Variants in MAGI2 observed in about 807,000 individuals in gnomAD.
MAGI2 encodes membrane-associated guanylate kinase, WW and PDZ domain-containing protein 2.
MAGI2 carries 35 observed loss-of-function variants against 133.3 expected under a neutral mutation model. That is an observed-to-expected ratio of 0.26 (90% CI 0.20 to 0.35). The LOEUF is 0.35. Among genes scored for constraint, MAGI2 ranks in the 10% least tolerant of loss-of-function variants. MAGI2 has a pLI of 1.00. For synonymous variants in MAGI2, 729 were observed against 710.6 expected (o/e 1.03, Z -0.41); for missense variants, 1,636 against 1,863.4 (o/e 0.88, Z 2.25).
chr7:78,454,092 G>T (rs1789038210), intron 6 of MAGI2, among the ~76,000 whole-genome samples: 1 of 152,078 alleles, frequency 6.6e-6, no homozygotes. Flanking sequence ...AGCTGTCACT[G>T]TACCATGTGC....
At chr7:78,312,674 G>A (rs1383040257) in intron 9 of MAGI2, among the ~76,000 whole-genome samples, 1 of 152,062 alleles carries the variant, frequency 6.6e-6, no homozygotes, top group Non-Finnish European at 1.5e-5. Flanking sequence ...AAAACGAAAT[G>A]CTTATACACT....
At position 78,019,607 on chromosome 7, in the gene MAGI2, T is replaced by TCCGCCGCGTCTG; in HGVS notation, c.4064_4075dup (p.Ala1355_Ala1358dup). ...CTCCTTCCCGCCCGCCCGCGCCGCG[T>TCCGCCGCGTCTG]CCGCCGCGTCTGCCGCCGCGAGCCC... On this transcript the variant is annotated inframe_insertion, in exon 22 of 22. Coordinates refer to ENST00000354212, the MANE Select transcript of MAGI2 (RefSeq NM_012301.4). The TCCGCCGCGTCTG allele has an allele frequency of 9.2e-6, 9 of 981,458 alleles. No homozygotes were observed. Among genetic ancestry groups the TCCGCCGCGTCTG allele is most frequent in the Non-Finnish European group, 9.6e-6 (8 of 829,430 alleles). 60.8% of individuals were successfully genotyped at this position (981,458 alleles called of 1,614,324 possible).
chr7:78,602,570 C>A (rs538879853), intron 3 of MAGI2, among the ~76,000 whole-genome samples: 1 of 151,964 alleles, frequency 6.6e-6, no homozygotes, highest in Non-Finnish European at 1.5e-5. Flanking sequence ...GGTAGAAATG[C>A]TATGTTCTTT....
At chr7:78,212,382 C>G (rs566614941) in intron 10 of MAGI2, among the ~76,000 whole-genome samples, 2 of 152,170 alleles carry the variant, frequency 1.3e-5, no homozygotes, top group South Asian at 4.1e-4. Flanking sequence ...CGAGTCCTTT[C>G]AAGAGAGGAA....
At chr7:78,744,632 GA>G (rs557906745) in intron 2 of MAGI2, among the ~76,000 whole-genome samples, 1 of 151,620 alleles carries the variant, frequency 6.6e-6, no homozygotes, top group Non-Finnish European at 1.5e-5. Context: ...TGAAGTGAAG[GA>G]AAAAAAATCT....
intron 16 of MAGI2, among the ~76,000 whole-genome samples, chr7:78,144,977 C>T (rs1823154693): frequency 2.6e-5 from 4 of 151,934 alleles, no homozygotes; most frequent in Non-Finnish European, 4.4e-5. Context: ...TGAGAACATG[C>T]GGTGTTTGGT....
At chr7:78,590,509 G>T (rs980991643) in intron 3 of MAGI2, among the ~76,000 whole-genome samples, 4 of 152,142 alleles carry the variant, frequency 2.6e-5, no homozygotes, top group African/African-American at 9.7e-5. Flanking sequence ...TGCTGGCTGT[G>T]AATAAACTAA....
At chr7:78,219,070 T>C (rs771926297) in intron 10 of MAGI2, among the ~76,000 whole-genome samples, 1 of 152,216 alleles carries the variant, frequency 6.6e-6, no homozygotes, top group African/African-American at 2.4e-5. Context: ...CTCTGATTAA[T>C]GATGACTAAT....
At chr7:78,452,014 C>T (rs1437637244) in intron 6 of MAGI2, among the ~76,000 whole-genome samples, 1 of 152,002 alleles carries the variant, frequency 6.6e-6, no homozygotes, top group Non-Finnish European at 1.5e-5. Context: ...CTGGTTGAAT[C>T]CTGAGGGATA....
intron 9 of MAGI2, among the ~76,000 whole-genome samples, chr7:78,284,835 C>G (rs1194280127): frequency 6.6e-6 from 1 of 152,100 alleles, no homozygotes; most frequent in East Asian, 1.9e-4. Context: ...CCCCAAAACA[C>G]TGTTATGTTT....
chr7:79,412,470 T>C (rs1297739859), intron 1 of MAGI2: 1 of 152,130 alleles, frequency 6.6e-6, no homozygotes, highest in Non-Finnish European at 1.5e-5. Context: ...CTAGGTCCCA[T>C]TGTGTCGTGG....
intron 1 of MAGI2, among the ~76,000 whole-genome samples, chr7:79,388,422 T>C (rs1421471423): frequency 1.3e-5 from 2 of 151,942 alleles, no homozygotes; most frequent in Admixed American, 1.3e-4. Context: ...GTTTATTTTA[T>C]TTAACAATGA....
At chr7:78,783,536 T>A (rs1440685416) in intron 2 of MAGI2, among the ~76,000 whole-genome samples, 1 of 152,194 alleles carries the variant, frequency 6.6e-6, no homozygotes, top group Non-Finnish European at 1.5e-5. Context: ...AACAGTATGT[T>A]TTTAAATTGG....
intron 2 of MAGI2, among the ~76,000 whole-genome samples, chr7:78,736,488 T>C (rs1029848273): frequency 1.3e-5 from 2 of 152,200 alleles, no homozygotes; most frequent in Non-Finnish European, 2.9e-5. Context: ...TATTCTTATT[T>C]TCATTAGTGA....
At chr7:78,043,749 A>C (rs944212267) in intron 21 of MAGI2, among the ~76,000 whole-genome samples, 3 of 152,204 alleles carry the variant, frequency 2.0e-5, no homozygotes, top group Admixed American at 1.3e-4. Context: ...ATTTTTGGCA[A>C]TGCCTTTCCC....
chr7:79,325,369 G>A lies in MAGI2; in HGVS notation c.301+127651C>T, dbSNP rs1238756045. ...AAATTTCTATAGAAAGTGTGGAGAA[G>A]CAAGTTTCTAAAGATGCCAGTCCTA... On this transcript the variant is annotated intron_variant, in intron 1 of 21. Transcript: ENST00000354212. Among the ~76,000 whole-genome samples, 3 of 152,214 alleles carry A rather than the reference G, an allele frequency of 2.0e-5. No homozygotes were observed. In the South Asian group the frequency reaches 6.2e-4, roughly 32 times the overall value.
At chr7:79,173,145 A>G (rs1372478373) in intron 1 of MAGI2, among the ~76,000 whole-genome samples, 28 of 152,132 alleles carry the variant, frequency 1.8e-4, no homozygotes. Flanking sequence ...AAATAATAGA[A>G]AACATTTTAT....
Position 78,855,890 on chromosome 7 carries a change from G to A in MAGI2, c.418+151200C>T, listed in dbSNP as rs558129032. Among the ~76,000 whole-genome samples the A allele has an allele frequency of 9.9e-5, 15 of 152,244 alleles. No individual in the cohort carries two copies. In the East Asian group the frequency reaches 2.5e-3, roughly 26 times the overall value. ...CCACCAACAGTGTAAAAGTGTTCCTGTTTCTCCACATCCTCTACAGCACCT... is the reference window on the plus strand; with the variant it reads ...CCACCAACAGTGTAAAAGTGTTCCTATTTCTCCACATCCTCTACAGCACCT... On this transcript the variant is annotated intron_variant, in intron 2 of 21. Transcript: ENST00000354212.
intron 6 of MAGI2, among the ~76,000 whole-genome samples, chr7:78,455,629 G>T (rs1789229522): frequency 6.6e-6 from 1 of 151,966 alleles, no homozygotes; most frequent in South Asian, 2.1e-4. Flanking sequence ...CACATTACCT[G>T]GCCCACAGCT....
Sources: allele counts gnomAD v4.1 joint callset (sites outside exome capture counted in the v4.1 genomes callset), GRCh38; gene constraint gnomAD v4.1.1; transcripts MANE v1.5; gene names NCBI Gene and HGNC (gene_info 2026-07-23, HGNC 2026-07-21).